MAGI2: variants seen among roughly 807,000 people sequenced by gnomAD.
The protein encoded by MAGI2 is membrane-associated guanylate kinase, WW and PDZ domain-containing protein 2.
A neutral mutation model predicts 133.3 loss-of-function variants in MAGI2; 35 were observed. That is an observed-to-expected ratio of 0.26 (90% CI 0.20 to 0.35). The LOEUF is 0.35. Among genes scored for constraint, MAGI2 ranks in the 10% least tolerant of loss-of-function variants. The pLI, the probability that MAGI2 is intolerant of heterozygous loss-of-function variation, is 1.00. For synonymous variants in MAGI2, 729 were observed against 710.6 expected, an observed-to-expected ratio of 1.03 and a Z score of -0.41; for missense variants, 1,636 against 1,863.4, an observed-to-expected ratio of 0.88 and a Z score of 2.25.
chr7:79,127,631 C>G (rs1479112285), intron 1 of MAGI2, among the ~76,000 whole-genome samples: 4 of 152,164 alleles, frequency 2.6e-5, no homozygotes, highest in African/African-American at 9.7e-5. Context: ...CCTTTGCCCA[C>G]TTTTTGATGG....
chr7:78,988,522 ACTCT>A, intron 2 of MAGI2, among the ~76,000 whole-genome samples: 1 of 152,076 alleles, frequency 6.6e-6, no homozygotes, highest in East Asian at 1.9e-4. Context: ...AAACATGCTC[ACTCT>A]CTCTTAATCT....
chr7:78,388,103 G>A lies in MAGI2; in HGVS notation c.1046-18890C>T, dbSNP rs147794650. 1.3e-3 allele frequency among the ~76,000 whole-genome samples: 196 copies of A among 152,216 alleles called. 1 individual carries two copies. Among genetic ancestry groups the A allele is most frequent in the African/African-American group, 4.4e-3 (181 of 41,528 alleles). ...TTTGACAAAAACATTACTGGCTTTG[G>A]GGTCACACAAATATGATCTGAGTGT... is the stretch of plus-strand genomic sequence containing the variant. On this transcript the variant is annotated intron_variant, in intron 6 of 21. Coordinates refer to ENST00000354212, the MANE Select transcript of MAGI2 (RefSeq NM_012301.4).
intron 1 of MAGI2, among the ~76,000 whole-genome samples, chr7:79,303,348 C>T (rs563427289): frequency 1.3e-5 from 2 of 152,196 alleles, no homozygotes; most frequent in South Asian, 4.2e-4. Flanking sequence ...AGCATACATT[C>T]AATAATGTTA....
At chr7:78,855,503 T>G (rs1330912122) in intron 2 of MAGI2, among the ~76,000 whole-genome samples, 6 of 152,102 alleles carry the variant, frequency 3.9e-5, no homozygotes, top group Non-Finnish European at 7.3e-5. Context: ...GAACATGTGG[T>G]GTTTGGTCTT....
intron 1 of MAGI2, among the ~76,000 whole-genome samples, chr7:79,375,135 T>C (rs945863594): frequency 6.6e-6 from 1 of 152,036 alleles, no homozygotes; most frequent in Non-Finnish European, 1.5e-5. Context: ...TTTTGAATAG[T>C]TGAGAACTCT....
chr7:78,470,363 A>G (rs1411058921), intron 6 of MAGI2, among the ~76,000 whole-genome samples: 1 of 152,132 alleles, frequency 6.6e-6, no homozygotes, highest in Admixed American at 6.6e-5. Flanking sequence ...AATGAAAATA[A>G]CAGGAAATTG....
At chr7:79,339,501 T>G (rs544142026) in intron 1 of MAGI2, among the ~76,000 whole-genome samples, 2 of 151,258 alleles carry the variant, frequency 1.3e-5, no homozygotes, top group East Asian at 3.9e-4. Context: ...AAATTTGTCC[T>G]GCATTACTCT....
chr7:79,025,578 G>A (rs1809804513), intron 1 of MAGI2, among the ~76,000 whole-genome samples: 1 of 152,116 alleles, frequency 6.6e-6, no homozygotes, highest in African/African-American at 2.4e-5. Flanking sequence ...TGAAGCAGCT[G>A]GGGATGCACA....
intron 2 of MAGI2, among the ~76,000 whole-genome samples, chr7:78,924,075 C>T (rs545012690): frequency 3.3e-4 from 50 of 152,240 alleles, no homozygotes; most frequent in African/African-American, 1.2e-3. Flanking sequence ...AGTTGCTTAT[C>T]AGCTTAAGGA....
chr7:78,982,789 G>A (rs954060450), intron 2 of MAGI2, among the ~76,000 whole-genome samples: 2 of 151,852 alleles, frequency 1.3e-5, no homozygotes, highest in South Asian at 2.1e-4. Flanking sequence ...TGGGTCCTCT[G>A]ACTTGCTTTT....
intron 2 of MAGI2, among the ~76,000 whole-genome samples, chr7:78,760,465 C>T (rs10255247): frequency 0.27 from 40,150 of 150,068 alleles, 5,885 homozygotes; most frequent in East Asian, 0.35. Context: ...TGGGTTCGAG[C>T]GATTCTCCTG....
At chr7:79,402,267 T>C (rs1171907871) in intron 1 of MAGI2, among the ~76,000 whole-genome samples, 1 of 152,162 alleles carries the variant, frequency 6.6e-6, no homozygotes, top group East Asian at 1.9e-4. Flanking sequence ...GCAATTTTAA[T>C]AGTAACCATG....
chr7:79,177,451 ACAAGT>A, intron 1 of MAGI2, among the ~76,000 whole-genome samples: 1 of 152,076 alleles, frequency 6.6e-6, no homozygotes, highest in South Asian at 2.1e-4. Context: ...AACATAAGCT[ACAAGT>A]TCTATTTTCA....
chr7:79,183,244 G>T (rs900861682), intron 1 of MAGI2, among the ~76,000 whole-genome samples: 2 of 151,786 alleles, frequency 1.3e-5, no homozygotes, highest in African/African-American at 2.4e-5. Context: ...TTAGGTGATG[G>T]AGTATTACAA....
chr7:79,109,762 C>T (rs1818754157), intron 1 of MAGI2, among the ~76,000 whole-genome samples: 1 of 152,092 alleles, frequency 6.6e-6, no homozygotes, highest in South Asian at 2.1e-4. Flanking sequence ...AAAAGTGCCT[C>T]AAAGGCATTT....
At chr7:78,789,535 T>G (rs114863437) in intron 2 of MAGI2, among the ~76,000 whole-genome samples, 1,563 of 152,322 alleles carry the variant, frequency 0.01, 22 homozygotes, top group African/African-American at 0.033. Context: ...TTTTATTTTT[T>G]TCTTTATTTT....
chr7:78,070,418 A>G (rs1232849490), intron 21 of MAGI2, among the ~76,000 whole-genome samples: 1 of 147,428 alleles, frequency 6.8e-6, no homozygotes, highest in Non-Finnish European at 1.5e-5. Context: ...GTGTGTGTGT[A>G]TATATATATG....
intron 2 of MAGI2, among the ~76,000 whole-genome samples, chr7:78,682,374 GC>G (rs1229979331): frequency 2.6e-5 from 4 of 151,696 alleles, no homozygotes; most frequent in East Asian, 3.9e-4. Flanking sequence ...CACTCCCCTT[GC>G]CCCCCACCCA....
chr7:79,334,570 A>G (rs1395664371), intron 1 of MAGI2, among the ~76,000 whole-genome samples: 1 of 152,154 alleles, frequency 6.6e-6, no homozygotes, highest in Non-Finnish European at 1.5e-5. Context: ...GTGATCCTCT[A>G]CTTAAACCAT....
Sources: allele counts gnomAD v4.1 joint callset (sites outside exome capture counted in the v4.1 genomes callset), GRCh38; gene constraint gnomAD v4.1.1; transcripts MANE v1.5; gene names NCBI Gene and HGNC (gene_info 2026-07-23, HGNC 2026-07-21).